Variants in ABLIM2 observed in about 807,000 individuals in gnomAD.
ABLIM2 encodes actin binding LIM protein family member 2, also known as actin-binding LIM protein 2.
Under a neutral mutation model 97.7 loss-of-function variants are expected in ABLIM2, and 53 were observed. That is an observed-to-expected ratio of 0.54 (90% CI 0.44 to 0.68). The LOEUF is 0.68. Ranked by LOEUF, ABLIM2 falls within the 30% of genes least tolerant of loss-of-function variation. The probability of loss-of-function intolerance (pLI) is 0.00; values close to 1 mark genes in which losing one functional copy is unlikely to be tolerated. For missense variants in ABLIM2, 835 were observed against 867.2 expected (o/e 0.96, Z 0.47); for synonymous variants, 361 against 345.8 (o/e 1.04, Z -0.49).
chr4:8,102,101 T>C (rs1285163937), intron 2 of ABLIM2, among the ~76,000 whole-genome samples: 1 of 152,170 alleles, frequency 6.6e-6, no homozygotes, highest in Non-Finnish European at 1.5e-5. Flanking sequence ...TCCTCTGTGT[T>C]TCCTTGCTAG....
Position 8,020,920 on chromosome 4 carries a change from C to T in ABLIM2, c.1268-617G>A, listed in dbSNP as rs187155095. 1.1e-4 allele frequency: 17 copies of T among 154,192 alleles called. No individual in the cohort carries two copies. In the East Asian group the frequency reaches 2.7e-3, roughly 25 times the overall value. The allele number at this position is 154,192 out of a possible 1,614,324, so 9.6% of individuals were successfully genotyped here. On this transcript the variant is annotated intron_variant, in intron 12 of 20. Coordinates refer to ENST00000447017, the MANE Select transcript of ABLIM2 (RefSeq NM_001130083.2). ...AGGCTGGAATGCAGTGGCACAATCA[C>T]GGCTCTGCAGGGTGCAGACTCCACC...
Position 7,986,092 on chromosome 4 carries a change from G to C in ABLIM2, c.1681-1199C>G, listed in dbSNP as rs144245318. 6.6e-6 allele frequency among the ~76,000 whole-genome samples: 1 copy of C among 152,238 alleles called. No individual in the cohort carries two copies. The highest frequency in any genetic ancestry group is 1.5e-5 in the Non-Finnish European group (1 of 68,040). ...TTCACGCTTCGTTCCCCAGCACCTG[G>C]AACGGGGTCTCAAACGGGGTCAGGG... On this transcript the variant is annotated intron_variant, in intron 17 of 20. Transcript: ENST00000447017. The surrounding 1 kb of genome is among the most constrained non-coding windows in gnomAD (Gnocchi z 4.3).
At chr4:8,029,820 C>T (rs1002704764) in intron 10 of ABLIM2, 44 bp from the exon 11 acceptor site, 5 of 1,542,880 alleles carry the variant, frequency 3.2e-6, no homozygotes, top group Non-Finnish European at 4.4e-6. Flanking sequence ...GCCGGGAGCA[C>T]TTCCCACCCC....
At position 7,999,458 on chromosome 4, in the gene ABLIM2, G is replaced by T. The variant is rs559017369; in HGVS notation, c.1619-6531C>A. 2.6e-5 allele frequency among the ~76,000 whole-genome samples: 4 copies of T among 152,322 alleles called. No homozygotes were observed. In the South Asian group the frequency reaches 8.3e-4, roughly 32 times the overall value. Reference sequence around the variant, plus strand: ...ATGAACCCATTTTACAGATGAGGAAGCTGAGACCTAATGATATCAAGCGAT... The same window carrying T: ...ATGAACCCATTTTACAGATGAGGAATCTGAGACCTAATGATATCAAGCGAT... On this transcript the variant is annotated intron_variant, in intron 16 of 20. Transcript: ENST00000447017. The surrounding 1 kb of genome is among the most constrained non-coding windows in gnomAD (Gnocchi z 4.4).
At chr4:7,990,552 C>T (rs1040685044) in intron 17 of ABLIM2, among the ~76,000 whole-genome samples, 1 of 152,138 alleles carries the variant, frequency 6.6e-6, no homozygotes, top group African/African-American at 2.4e-5. Context: ...TTCCTCCTCT[C>T]CTCCTTTGTG....
At chr4:8,014,924 CTTTT>C (rs72140876) in intron 14 of ABLIM2, among the ~76,000 whole-genome samples, 10 of 141,260 alleles carry the variant, frequency 7.1e-5, no homozygotes, top group East Asian at 4.0e-4. Context: ...TCCTTTCTTT[CTTTT>C]TTTTTTTTTT....
intron 20 of ABLIM2, among the ~76,000 whole-genome samples, chr4:7,972,042 C>T (rs1728496214): frequency 1.3e-5 from 2 of 152,162 alleles, no homozygotes; most frequent in African/African-American, 4.8e-5. Context: ...TAAGCCGGGC[C>T]CAGGCCCGGA....
chr4:8,091,734 T>A (rs1319593611), intron 3 of ABLIM2, among the ~76,000 whole-genome samples: 1 of 84,760 alleles, frequency 1.2e-5, no homozygotes, highest in Non-Finnish European at 2.0e-5. Flanking sequence ...TATATTATAT[T>A]AATATGTATT....
Position 8,043,787 on chromosome 4 carries a change from C to T in ABLIM2, c.900+1377G>A, listed in dbSNP as rs2151704773. The stretch of plus-strand genomic sequence containing the variant: ...AACGGCAGCAAGCGTTTCCCACAGC[C>T]TTCTTCTGGGCAGGCGCTGTGCTCA... On this transcript the variant is annotated intron_variant, in intron 9 of 20. Transcript: ENST00000447017. The surrounding 1 kb of genome is among the most constrained non-coding windows in gnomAD (Gnocchi z 4.8). Among the ~76,000 whole-genome samples the T allele has an allele frequency of 6.6e-6, 1 of 152,356 alleles. No homozygotes were observed.
chr4:8,077,099 C>A (rs1184025518), intron 6 of ABLIM2, among the ~76,000 whole-genome samples: 2 of 151,798 alleles, frequency 1.3e-5, no homozygotes. Context: ...CTAGTTGCCC[C>A]ATGGGATTTA....
chr4:8,016,748 A>G (rs79652107), intron 14 of ABLIM2, among the ~76,000 whole-genome samples: 3,283 of 152,338 alleles, frequency 0.022, 125 homozygotes, highest in African/African-American at 0.072. Context: ...CGCAGAAACC[A>G]AGATAAGATG....
rs537614723 is a variant in ABLIM2, at chr4:8,046,454, C to G, written c.823-1213G>C. Among the ~76,000 whole-genome samples, 2 of 152,190 alleles carry G rather than the reference C, an allele frequency of 1.3e-5. No homozygotes were observed. Among genetic ancestry groups the G allele is most frequent in the Admixed American group, 6.5e-5 (1 of 15,280 alleles). On this transcript the variant is annotated intron_variant, in intron 8 of 20. Coordinates refer to ENST00000447017, the MANE Select transcript of ABLIM2 (RefSeq NM_001130083.2). The surrounding 1 kb of genome is among the most constrained non-coding windows in gnomAD (Gnocchi z 4.4). ...CCTGTCCAAAAGAAGCCCATATCCACAGAGGCCTCCCCAGCCCTCAGCAGC... is the reference window on the plus strand; with the variant it reads ...CCTGTCCAAAAGAAGCCCATATCCAGAGAGGCCTCCCCAGCCCTCAGCAGC...
chr4:8,101,611 G>A (rs1834684279), intron 2 of ABLIM2, among the ~76,000 whole-genome samples: 1 of 152,178 alleles, frequency 6.6e-6, no homozygotes, highest in African/African-American at 2.4e-5. Context: ...TCTCCTCCCG[G>A]ACACACGTCC....
chr4:7,984,779 TG>T, intron 18 of ABLIM2, 59 bp downstream of exon 18: 2 of 1,503,252 alleles, frequency 1.3e-6, no homozygotes, highest in Non-Finnish European at 1.8e-6. Context: ...ACAAGTCTTG[TG>T]GAATGTGTTA....
intron 5 of ABLIM2, among the ~76,000 whole-genome samples, chr4:8,080,428 A>T (rs1220274710): frequency 1.3e-5 from 2 of 152,224 alleles, no homozygotes; most frequent in Non-Finnish European, 2.9e-5. Flanking sequence ...ATCCAAAAAA[A>T]GGAGCCGGAT....
rs73796878 is a variant in ABLIM2 at position 8,103,250 on chromosome 4, C to G, written c.154+3244G>C. On this transcript the variant is annotated intron_variant, in intron 2 of 20. Coordinates refer to ENST00000447017, the MANE Select transcript of ABLIM2 (RefSeq NM_001130083.2). ...TGAGTTGGGTCTTCTTTTTATTCATCCCAAAGCACCCTCAATGATTCATAC... is the reference window on the plus strand; with the variant it reads ...TGAGTTGGGTCTTCTTTTTATTCATGCCAAAGCACCCTCAATGATTCATAC... Among the ~76,000 whole-genome samples, 555 of 152,290 alleles carry G rather than the reference C, an allele frequency of 3.6e-3. 4 individuals are homozygous for G. Among genetic ancestry groups the G allele is most frequent in the African/African-American group, 0.013 (532 of 41,554 alleles).
At chr4:8,012,663 C>T in intron 14 of ABLIM2, among the ~76,000 whole-genome samples, 1 of 152,068 alleles carries the variant, frequency 6.6e-6, no homozygotes, top group African/African-American at 2.4e-5. Context: ...ATCCATCCAT[C>T]TATCCATCCA....
intron 11 of ABLIM2, among the ~76,000 whole-genome samples, chr4:8,029,005 G>A (rs1311209246): frequency 3.3e-5 from 5 of 152,220 alleles, no homozygotes; most frequent in South Asian, 4.1e-4. Flanking sequence ...GAGCGTCCCT[G>A]CTGTGGCTTT....
At chr4:8,045,274 G>A (rs767043157) in intron 8 of ABLIM2, 33 bp from the exon 9 acceptor site, 4 of 1,587,774 alleles carry the variant, frequency 2.5e-6, no homozygotes, top group Non-Finnish European at 3.5e-6. Context: ...ATTGAAGGCA[G>A]GTACCAACAT....
Sources: allele counts gnomAD v4.1 joint callset (sites outside exome capture counted in the v4.1 genomes callset), GRCh38; gene constraint gnomAD v4.1.1; non-coding constraint Gnocchi (gnomAD v3.1); transcripts MANE v1.5; gene names NCBI Gene and HGNC (gene_info 2026-07-23, HGNC 2026-07-21).